The following MPDZ variants were observed in gnomAD, a reference collection of about 807,000 sequenced individuals.
The protein encoded by MPDZ is multiple PDZ domain protein.
In MPDZ, 234 loss-of-function variants were observed where a neutral mutation model predicts 239.1. The observed-to-expected ratio is 0.98, with a 90% CI of 0.88 to 1.09. The LOEUF is 1.09. Among genes scored for constraint, MPDZ ranks in the 50% least tolerant of loss-of-function variants. MPDZ has a pLI of 0.00. For missense variants in MPDZ, 3,175 were observed against 2,510.0 expected (o/e 1.26, Z -5.66); for synonymous variants, 1,048 against 881.3 (o/e 1.19, Z -3.35).
chr9:13,212,346 T>C (rs1311176193), intron 10 of MPDZ, among the ~76,000 whole-genome samples: 1 of 152,064 alleles, frequency 6.6e-6, no homozygotes, highest in Non-Finnish European at 1.5e-5. Context: ...TTCATCTGTA[T>C]TATGGAAATA....
At chr9:13,184,325 C>T (rs897111646) in intron 18 of MPDZ, among the ~76,000 whole-genome samples, 9 of 151,892 alleles carry the variant, frequency 5.9e-5, no homozygotes, top group African/African-American at 1.7e-4. Flanking sequence ...CAAAGTCATA[C>T]CTGAGAATAG....
intron 3 of MPDZ, among the ~76,000 whole-genome samples, chr9:13,236,249 G>GTGTATATATATATA (rs1329605248): frequency 2.8e-5 from 1 of 35,862 alleles, no homozygotes; most frequent in African/African-American, 1.2e-4. Context: ...GTGTGTGTGT[G>GTGTATATATATATA]TATATATATA....
At chr9:13,193,999 T>C (rs1014889862) in intron 13 of MPDZ, among the ~76,000 whole-genome samples, 3 of 152,274 alleles carry the variant, frequency 2.0e-5, no homozygotes, top group Middle Eastern at 3.4e-3. Flanking sequence ...AGAAGCGATA[T>C]CACCTGACTT....
At chr9:13,164,294 T>A (rs1011298371) in intron 22 of MPDZ, among the ~76,000 whole-genome samples, 1 of 152,198 alleles carries the variant, frequency 6.6e-6, no homozygotes, top group African/African-American at 2.4e-5. Context: ...ATCTTCTCTA[T>A]GGTGCTACAA....
chr9:13,118,599 C>A lies in MPDZ; in HGVS notation c.5379+903G>T, dbSNP rs555819775. Among the ~76,000 whole-genome samples the A allele has an allele frequency of 2.0e-5, 3 of 152,210 alleles. No homozygotes were observed. In the South Asian group the frequency reaches 6.2e-4, roughly 32 times the overall value. ...TTCTAGTCAATGTTGAATTATATTT[C>A]TTCAGGTCATAAAACACACTAGGTT... On this transcript the variant is annotated intron_variant, in intron 39 of 46. Coordinates refer to ENST00000319217, the MANE Select transcript of MPDZ (RefSeq NM_001378778.1).
chr9:13,118,128 G>C (rs1354136374), intron 39 of MPDZ, among the ~76,000 whole-genome samples: 1 of 152,164 alleles, frequency 6.6e-6, no homozygotes, highest in African/African-American at 2.4e-5. Context: ...ACAGGCATGA[G>C]CCACCACACC....
At chr9:13,174,969 A>G (rs1275258519) in intron 21 of MPDZ, among the ~76,000 whole-genome samples, 2 of 152,166 alleles carry the variant, frequency 1.3e-5, no homozygotes, top group East Asian at 3.9e-4. Flanking sequence ...CTGCCATAAG[A>G]CGTCAGTGTA....
chr9:13,167,499 T>G (rs1951215530), intron 22 of MPDZ, among the ~76,000 whole-genome samples: 1 of 152,092 alleles, frequency 6.6e-6, no homozygotes, highest in Non-Finnish European at 1.5e-5. Context: ...AATACATACT[T>G]TGCAAAAGGA....
intron 21 of MPDZ, among the ~76,000 whole-genome samples, chr9:13,172,614 T>A (rs927225414): frequency 2.0e-5 from 3 of 152,178 alleles, no homozygotes; most frequent in African/African-American, 7.2e-5. Flanking sequence ...CTTGAACTCC[T>A]GACCTCAGGT....
intron 10 of MPDZ, among the ~76,000 whole-genome samples, chr9:13,211,934 GA>G (rs1221989903): frequency 6.6e-6 from 1 of 151,796 alleles, no homozygotes; most frequent in African/African-American, 2.4e-5. Context: ...AAACCTTAAA[GA>G]CAAAAATTAA....
intron 22 of MPDZ, among the ~76,000 whole-genome samples, chr9:13,168,049 CAAGATCCTAAAAGT>C (rs1951302403): frequency 6.6e-6 from 1 of 152,030 alleles, no homozygotes; most frequent in Non-Finnish European, 1.5e-5. Flanking sequence ...AACATCTTTC[CAAGATCCTAAAAGT>C]GGGCCCTCTT....
At chr9:13,170,466 A>C (rs1951650592) in intron 21 of MPDZ, among the ~76,000 whole-genome samples, 1 of 152,178 alleles carries the variant, frequency 6.6e-6, no homozygotes, top group Admixed American at 6.5e-5. Flanking sequence ...TAAAACAATA[A>C]GATACCGTTT....
intron 3 of MPDZ, among the ~76,000 whole-genome samples, chr9:13,236,219 G>C (rs1299548315): frequency 1.3e-4 from 13 of 101,618 alleles, no homozygotes; most frequent in Admixed American, 5.0e-4. Flanking sequence ...GTGTGTGTGT[G>C]TGTGTGTATA....
intron 15 of MPDZ, among the ~76,000 whole-genome samples, chr9:13,190,698 T>C (rs151189227): frequency 2.0e-5 from 3 of 152,170 alleles, no homozygotes; most frequent in Admixed American, 6.6e-5. Context: ...AATGGATATA[T>C]GCAAAAGTTC....
At position 13,205,925 on chromosome 9, in the gene MPDZ, T is replaced by C. The variant is rs1956934948; in HGVS notation, c.1465A>G (p.Ile489Val). Reference sequence around the variant, plus strand: ...ATTAACATAGGATTACCTTTGATTATGCTGGCATTAACAGGAGACAAATCT... The same window carrying C: ...ATTAACATAGGATTACCTTTGATTACGCTGGCATTAACAGGAGACAAATCT... The part of the protein sequence containing the change: ...DADLSPVNAS[I>V]IKENYEKDED... The change falls in exon 11 of 47, where the codon ATA becomes GTA. Residue 489 changes from isoleucine to valine, a missense_variant. Coordinates refer to ENST00000319217, the MANE Select transcript of MPDZ (RefSeq NM_001378778.1). The C allele has an allele frequency of 2.5e-6, 4 of 1,596,778 alleles. No individual in the cohort carries two copies. The highest frequency in any genetic ancestry group is 1.1e-5 in the South Asian group (1 of 87,596).
At chr9:13,261,371 G>A (rs1270433483) in intron 1 of MPDZ, among the ~76,000 whole-genome samples, 6 of 151,976 alleles carry the variant, frequency 3.9e-5, no homozygotes, top group African/African-American at 4.8e-5. Flanking sequence ...GAGGTATGTT[G>A]TATGAAGCTC....
At chr9:13,114,225 C>T (rs1344189959) in intron 40 of MPDZ, among the ~76,000 whole-genome samples, 1 of 152,038 alleles carries the variant, frequency 6.6e-6, no homozygotes, top group Non-Finnish European at 1.5e-5. Flanking sequence ...TAAATTGAAG[C>T]TAAAAGGGTA....
At chr9:13,251,249 A>C (rs1326602558) in intron 1 of MPDZ, among the ~76,000 whole-genome samples, 1 of 152,164 alleles carries the variant, frequency 6.6e-6, no homozygotes, top group East Asian at 1.9e-4. Flanking sequence ...ACTGAACAAA[A>C]GGGAGTATAC....
intron 18 of MPDZ, among the ~76,000 whole-genome samples, chr9:13,185,376 G>A (rs376071913): frequency 4.7e-4 from 72 of 152,138 alleles, no homozygotes; most frequent in Non-Finnish European, 7.8e-4. Flanking sequence ...CAAGATGTGC[G>A]CAGTTATAAA....
Sources: allele counts gnomAD v4.1 joint callset (sites outside exome capture counted in the v4.1 genomes callset), GRCh38; gene constraint gnomAD v4.1.1; transcripts MANE v1.5; gene names NCBI Gene and HGNC (gene_info 2026-07-23, HGNC 2026-07-21).